The following PRKD3 variants were observed in gnomAD, a reference collection of about 807,000 sequenced individuals.
PRKD3 encodes serine/threonine-protein kinase D3.
In PRKD3, 47 loss-of-function variants were observed where a neutral mutation model predicts 99.2. That is an observed-to-expected ratio of 0.47 (90% confidence interval 0.38 to 0.60). The LOEUF (loss-of-function observed/expected upper bound fraction) is 0.60, where lower values mean the gene tolerates loss of function less well. Ranked by LOEUF, PRKD3 falls within the 20% of genes least tolerant of loss-of-function variation. The probability of loss-of-function intolerance (pLI) is 0.00; values close to 1 mark genes in which losing one functional copy is unlikely to be tolerated. For synonymous variants in PRKD3, 392 were observed against 355.4 expected (o/e 1.10, Z -1.16); for missense variants, 1,019 against 1,088.4 (o/e 0.94, Z 0.90).
At chr2:37,279,673 C>A in intron 8 of PRKD3, 73 bp downstream of exon 8, 1 of 1,172,376 alleles carries the variant, frequency 8.5e-7, no homozygotes, top group Non-Finnish European at 1.2e-6. Context: ...CTTAAAGAGA[C>A]GTGGCTTTTT....
chr2:37,323,480 ATCT>A (rs1389832072), intron 1 of PRKD3, among the ~76,000 whole-genome samples: 1 of 151,994 alleles, frequency 6.6e-6, no homozygotes, highest in Non-Finnish European at 1.5e-5. Flanking sequence ...CTTTTAGAAA[ATCT>A]TCTAACTTCT....
intron 9 of PRKD3, among the ~76,000 whole-genome samples, chr2:37,276,959 C>T (rs975517329): frequency 2.6e-5 from 4 of 151,880 alleles, no homozygotes; most frequent in African/African-American, 7.2e-5. Context: ...CCATTAAATT[C>T]GCAAAGGTAG....
At chr2:37,262,900 C>A (rs559945781) in intron 14 of PRKD3, among the ~76,000 whole-genome samples, 6 of 147,608 alleles carry the variant, frequency 4.1e-5, no homozygotes, top group East Asian at 2.4e-4. Flanking sequence ...TTCCTTCCCC[C>A]CCCCGTATTT....
At position 37,303,055 on chromosome 2, in the gene PRKD3, A is replaced by G. The variant is rs554242618; in HGVS notation, c.289-9784T>C. Among the ~76,000 whole-genome samples the G allele has an allele frequency of 8.5e-5, 13 of 152,268 alleles. No homozygotes were observed. The East Asian group carries it at 2.3e-3, about 27-fold the overall frequency. On this transcript the variant is annotated intron_variant, in intron 2 of 18. Coordinates refer to ENST00000234179, the MANE Select transcript of PRKD3 (RefSeq NM_005813.6). ...GCCCAACCCCTGTCCTGTGCCTATA[A>G]AGACCCCAGACTCAGCCAGTAGAGA... is the stretch of plus-strand genomic sequence containing the variant.
rs1345104424 is a variant in PRKD3, at chr2:37,259,064, ACTC to A, written c.2145+516_2145+518del. Among the ~76,000 whole-genome samples the A allele has an allele frequency of 4.1e-4, 62 of 149,952 alleles. 1 individual carries two copies. Among genetic ancestry groups the A allele is most frequent in the Admixed American group, 3.7e-3 (56 of 14,966 alleles). ...AGATGAACACTTGGAAAAAAAAAAA[ACTC>A]AACTGAATTAAGAAAAATCAGAGAG... On this transcript the variant is annotated intron_variant, in intron 16 of 18. Coordinates refer to ENST00000234179, the MANE Select transcript of PRKD3 (RefSeq NM_005813.6).
intron 2 of PRKD3, among the ~76,000 whole-genome samples, chr2:37,309,273 T>C (rs1183869431): frequency 6.6e-6 from 1 of 152,232 alleles, no homozygotes; most frequent in Non-Finnish European, 1.5e-5. Context: ...TCTTGGTTAG[T>C]TTTCCTGTAC....
chr2:37,309,369 T>C (rs1430493950), intron 2 of PRKD3, among the ~76,000 whole-genome samples: 1 of 152,188 alleles, frequency 6.6e-6, no homozygotes, highest in East Asian at 1.9e-4. Context: ...TTTCCAACAG[T>C]CTAATTCTTG....
Position 37,317,119 on chromosome 2 carries a change from A to G in PRKD3, c.-595T>C, listed in dbSNP as rs1048416409. On this transcript the variant is annotated 5_prime_UTR_variant, in exon 2 of 19. The change abolishes an upstream ATG in the 5' untranslated region. Coordinates refer to ENST00000234179, the MANE Select transcript of PRKD3 (RefSeq NM_005813.6). ...CAAAGCTTTTTAAAATAGTACAGGC[A>G]TATTTCATTAGATGAATGGGTCCAT... The G allele has an allele frequency of 2.0e-6, 2 of 985,458 alleles. No homozygotes were observed. The highest frequency in any genetic ancestry group is 5.2e-4 in the Middle Eastern group (1 of 1,914). The allele number at this position is 985,458 out of a possible 1,614,324, so 61.0% of individuals were successfully genotyped here.
chr2:37,279,986 A>G, intron 7 of PRKD3, 57 bp from the exon 8 acceptor site: 1 of 1,239,116 alleles, frequency 8.1e-7, no homozygotes, highest in Non-Finnish European at 1.1e-6. Flanking sequence ...AGTCCATTAA[A>G]TGTGAAAAAA....
At chr2:37,307,670 T>C (rs1262414385) in intron 2 of PRKD3, among the ~76,000 whole-genome samples, 4 of 152,202 alleles carry the variant, frequency 2.6e-5, no homozygotes, top group African/African-American at 7.2e-5. Context: ...ATCATAAATG[T>C]TGGAAGGGTT....
intron 11 of PRKD3, 95 bp from the exon 12 acceptor site, chr2:37,272,527 T>G: frequency 1.4e-6 from 2 of 1,433,266 alleles, no homozygotes; most frequent in South Asian, 1.4e-5. Flanking sequence ...CTTTAAAAAG[T>G]TTAGCACACA....
At chr2:37,265,508 AACAC>A (rs1221588184) in intron 14 of PRKD3, among the ~76,000 whole-genome samples, 4 of 151,132 alleles carry the variant, frequency 2.6e-5, no homozygotes, top group African/African-American at 9.8e-5. Context: ...CACACACACA[AACAC>A]ACACACAGAG....
At chr2:37,258,954 C>T (rs1163464618) in intron 16 of PRKD3, among the ~76,000 whole-genome samples, 5 of 151,950 alleles carry the variant, frequency 3.3e-5, no homozygotes, top group African/African-American at 1.2e-4. Context: ...AGGGTACCAC[C>T]ACCACCACTT....
At chr2:37,290,841 T>C in intron 4 of PRKD3, 27 bp downstream of exon 4, 1 of 1,554,078 alleles carries the variant, frequency 6.4e-7, no homozygotes, top group Middle Eastern at 1.7e-4. Flanking sequence ...TTATTTCAAA[T>C]GACCACAAAA....
chr2:37,254,147 A>C, intron 18 of PRKD3, 57 bp downstream of exon 18: 1 of 1,317,644 alleles, frequency 7.6e-7, no homozygotes, highest in South Asian at 1.2e-5. Flanking sequence ...AGGTGGGACA[A>C]ATCAGAGTGA....
At chr2:37,303,602 G>A (rs765873615) in intron 2 of PRKD3, among the ~76,000 whole-genome samples, 11 of 151,982 alleles carry the variant, frequency 7.2e-5, no homozygotes, top group Admixed American at 2.0e-4. Flanking sequence ...TCCTGCACTC[G>A]TTTGCTCACA....
Position 37,252,852 on chromosome 2 carries a change from T to TATATATAC in PRKD3, c.*324_*325insGTATATAT. ...AAACAAACATATATTTATATTTATA[T>TATATATAC]ATATATATATAAAGAGAAATGGGAA... On this transcript the variant is annotated 3_prime_UTR_variant, in exon 19 of 19. Coordinates refer to ENST00000234179, the MANE Select transcript of PRKD3 (RefSeq NM_005813.6). 6.7e-6 allele frequency: 1 copy of TATATATAC among 148,570 alleles called. No individual in the cohort carries two copies. Among genetic ancestry groups the TATATATAC allele is most frequent in the African/African-American group, 2.4e-5 (1 of 41,022 alleles). The allele number at this position is 148,570 out of a possible 1,614,324, so 9.2% of individuals were successfully genotyped here. A position where few individuals can be genotyped will look rare whatever the true frequency, so the allele number is the denominator to read the frequency against.
chr2:37,279,748 G>C lies in PRKD3; in HGVS notation c.1170C>G (p.Ile390Met). 1 of 1,611,800 alleles carries C rather than the reference G, an allele frequency of 6.2e-7. No homozygotes were observed. The stretch of plus-strand genomic sequence containing the variant: ...CTTGTAATATGTATATATATTACCT[G>C]ATTGTTTTAACGGCTTCTTCATCTC... ...VERDEEAVKT[I>M]SPSTSNNIPL... is the part of the protein sequence containing the mutation. Residue 390 changes from isoleucine (I) to methionine (M), a missense_variant and splice_region_variant, in exon 8 of 19, where the codon ATC becomes ATG. Coordinates refer to ENST00000234179, the MANE Select transcript of PRKD3 (RefSeq NM_005813.6).
At chr2:37,278,088 A>T (rs769618965) in intron 8 of PRKD3, 99 bp from the exon 9 acceptor site, 20 of 984,212 alleles carry the variant, frequency 2.0e-5, no homozygotes, top group Non-Finnish European at 1.9e-5. Flanking sequence ...CTGAGCTAAA[A>T]TTTTTCAAAA....
Sources: gnomAD v4.1 joint callset for allele counts (sites outside exome capture counted in the v4.1 genomes callset) on GRCh38, gnomAD v4.1.1 for gene constraint, MANE v1.5 for transcripts, NCBI Gene and HGNC (gene_info 2026-07-23, HGNC 2026-07-21) for gene names.